Variants in VIT observed in about 807,000 individuals in gnomAD.
VIT encodes the protein vitrin.
Under a neutral mutation model 78.0 loss-of-function variants are expected in VIT, and 99 were observed. That is an observed-to-expected ratio of 1.27 (90% confidence interval 1.08 to 1.50). The LOEUF is 1.50. VIT is among the 40% of genes most tolerant of loss of function. The pLI, the probability that VIT is intolerant of heterozygous loss-of-function variation, is 0.00. For synonymous variants in VIT, 374 were observed against 334.3 expected (o/e 1.12, Z -1.29); for missense variants, 1,126 against 875.3 (o/e 1.29, Z -3.61).
intron 2 of VIT, among the ~76,000 whole-genome samples, chr2:36,728,223 G>A (rs903592210): frequency 3.3e-5 from 5 of 151,864 alleles, no homozygotes; most frequent in Non-Finnish European, 5.9e-5. Flanking sequence ...GAGCCACCAC[G>A]TCCAGCCTGT....
In VIT at chr2:36,814,277, G is replaced by A. The variant is rs755695942; in HGVS notation, c.1998G>A (p.Val666=). The A allele has an allele frequency of 6.2e-7, 1 of 1,614,198 alleles. No individual in the cohort carries two copies. Among genetic ancestry groups the A allele is most frequent in the Non-Finnish European group, 8.5e-7 (1 of 1,180,040 alleles). The stretch of plus-strand genomic sequence containing the variant: ...CCGCCAGAGACCACTCCTTCTTTGT[G>A]GACGAGTTTGACAACCTCCATCAGT... ...THPARDHSFF[V]DEFDNLHQYV... is the part of the protein sequence containing the mutation. Residue 666 remains valine (V), a synonymous_variant, in exon 16 of 16, where the codon GTG becomes GTA. Transcript: ENST00000379242.
chr2:36,710,017 G>A (rs1457033470), intron 1 of VIT, among the ~76,000 whole-genome samples: 1 of 152,148 alleles, frequency 6.6e-6, no homozygotes, highest in Non-Finnish European at 1.5e-5. Context: ...AGTGAGTTAG[G>A]AGACTGCTGC....
At chr2:36,810,261 C>T (rs900103465) in intron 15 of VIT, among the ~76,000 whole-genome samples, 2 of 152,210 alleles carry the variant, frequency 1.3e-5, no homozygotes, top group Admixed American at 1.3e-4. Context: ...CATTGCACTC[C>T]AGCCTGGGCA....
chr2:36,790,628 A>C (rs143627935), intron 12 of VIT, among the ~76,000 whole-genome samples: 1 of 152,354 alleles, frequency 6.6e-6, no homozygotes, highest in East Asian at 1.9e-4. Context: ...TCCCAAGAAC[A>C]CACAGCTAAA....
intron 3 of VIT, among the ~76,000 whole-genome samples, chr2:36,738,335 A>G (rs549900616): frequency 2.0e-5 from 3 of 152,308 alleles, no homozygotes; most frequent in African/African-American, 7.2e-5. Context: ...TATCTGAACA[A>G]TTGTTCAATT....
Position 36,805,668 on chromosome 2 carries a change from G to C in VIT, c.1389+4G>C. 1 of 1,611,282 alleles carries C rather than the reference G, an allele frequency of 6.2e-7. No homozygotes were observed. Among genetic ancestry groups the C allele is most frequent in the South Asian group, 1.1e-5 (1 of 90,866 alleles). On this transcript the variant is annotated splice_donor_region_variant and intron_variant, in intron 14 of 15. Transcript: ENST00000379242. ...GGAGCCCAACTTTGCAAACAAGGTA[G>C]ATGACTGCCCGGAGACCTACCCAAC...
At chr2:36,803,044 G>A (rs1027394435) in intron 13 of VIT, among the ~76,000 whole-genome samples, 2 of 152,142 alleles carry the variant, frequency 1.3e-5, no homozygotes, top group African/African-American at 4.8e-5. Context: ...GCTTTGTCCA[G>A]GAAGCCAGCA....
intron 13 of VIT, among the ~76,000 whole-genome samples, chr2:36,804,760 G>C (rs1233304904): frequency 1.3e-5 from 2 of 151,948 alleles, no homozygotes; most frequent in Non-Finnish European, 2.9e-5. Context: ...AACCTGGGAG[G>C]TGGAGGTTGC....
intron 10 of VIT, among the ~76,000 whole-genome samples, chr2:36,782,618 TA>T (rs1664835861): frequency 2.0e-5 from 3 of 152,214 alleles, no homozygotes; most frequent in Admixed American, 2.0e-4. Flanking sequence ...TTACCAAGCC[TA>T]AAAGGATTCG....
intron 12 of VIT, among the ~76,000 whole-genome samples, chr2:36,791,876 A>G (rs1392067740): frequency 1.3e-5 from 2 of 152,198 alleles, no homozygotes; most frequent in Non-Finnish European, 1.5e-5. Flanking sequence ...TACAACAGCA[A>G]TAGGAAGCTA....
intron 13 of VIT, among the ~76,000 whole-genome samples, chr2:36,802,296 G>A (rs1464525831): frequency 6.6e-6 from 1 of 152,104 alleles, no homozygotes; most frequent in Non-Finnish European, 1.5e-5. Flanking sequence ...ATGAAAGATT[G>A]GCTTTTTGGG....
chr2:36,738,336 T>C (rs963818577), intron 3 of VIT, among the ~76,000 whole-genome samples: 2 of 152,204 alleles, frequency 1.3e-5, no homozygotes, highest in African/African-American at 4.8e-5. Context: ...ATCTGAACAA[T>C]TGTTCAATTG....
chr2:36,773,738 T>C, intron 7 of VIT, 53 bp from the exon 8 acceptor site: 1 of 1,387,094 alleles, frequency 7.2e-7, no homozygotes, highest in South Asian at 1.7e-5. Flanking sequence ...ATAAATAAAT[T>C]AATTAATTAA....
At chr2:36,792,476 C>T in intron 12 of VIT, among the ~76,000 whole-genome samples, 1 of 152,190 alleles carries the variant, frequency 6.6e-6, no homozygotes. Context: ...CCACCCCTCC[C>T]CTTTCAGCTC....
chr2:36,703,462 C>G (rs569258856), intron 1 of VIT, among the ~76,000 whole-genome samples: 1 of 152,126 alleles, frequency 6.6e-6, no homozygotes, highest in Admixed American at 6.5e-5. Flanking sequence ...AAACTAAGAC[C>G]AAAGGATCAT....
chr2:36,785,901 C>G (rs1424114959), intron 11 of VIT, among the ~76,000 whole-genome samples: 1 of 152,252 alleles, frequency 6.6e-6, no homozygotes, highest in Non-Finnish European at 1.5e-5. Context: ...CTGCTCAAAA[C>G]TTTGTCAACT....
chr2:36,800,680 T>C (rs1289724556), intron 12 of VIT, among the ~76,000 whole-genome samples: 1 of 152,194 alleles, frequency 6.6e-6, no homozygotes, highest in Non-Finnish European at 1.5e-5. Flanking sequence ...GATTCACTTG[T>C]AGAGAGGGAT....
intron 2 of VIT, among the ~76,000 whole-genome samples, chr2:36,719,755 A>G (rs1558512506): frequency 6.6e-6 from 1 of 152,202 alleles, no homozygotes; most frequent in Non-Finnish European, 1.5e-5. Context: ...CTTGCAAAGC[A>G]TGGAGAAACC....
At chr2:36,704,012 C>T (rs566839639) in intron 1 of VIT, among the ~76,000 whole-genome samples, 4 of 148,998 alleles carry the variant, frequency 2.7e-5, no homozygotes, top group Non-Finnish European at 4.4e-5. Context: ...ACAACTTCTG[C>T]CTTCCGGTGT....
Sources: allele counts gnomAD v4.1 joint callset (sites outside exome capture counted in the v4.1 genomes callset), GRCh38; gene constraint gnomAD v4.1.1; transcripts MANE v1.5; gene names NCBI Gene and HGNC (gene_info 2026-07-23, HGNC 2026-07-21).